DGKH: variants seen among roughly 807,000 people sequenced by gnomAD.
DGKH encodes DAG kinase eta.
A neutral mutation model predicts 159.3 loss-of-function variants in DGKH; 90 were observed. The observed-to-expected ratio is 0.57, with a 90% CI of 0.48 to 0.67. The LOEUF is 0.67. Among genes scored for constraint, DGKH ranks in the 30% least tolerant of loss-of-function variants. DGKH has a pLI of 0.00. For synonymous variants in DGKH, 536 were observed against 553.8 expected (o/e 0.97, Z 0.45); for missense variants, 1,181 against 1,506.1 (o/e 0.78, Z 3.57).
At chr13:42,149,875 A>G (rs1955832536) in intron 3 of DGKH, among the ~76,000 whole-genome samples, 1 of 152,228 alleles carries the variant, frequency 6.6e-6, no homozygotes, top group African/African-American at 2.4e-5. Flanking sequence ...TTATTTTTCA[A>G]ACACTTGTTT....
exon 31 of DGKH, chr13:42,256,461 T>C (rs145446747): frequency 1.5e-5 from 22 of 1,483,264 alleles, no homozygotes; most frequent in Non-Finnish European, 2.1e-5. Context: ...GAAACTGTTA[T>C]TGAACTTGGC....
At position 42,236,422 on chromosome 13, in the gene DGKH, T is replaced by A. The variant is rs1958413767; in HGVS notation, c.*7234T>A. 1 of 152,218 alleles carries A rather than the reference T, an allele frequency of 6.6e-6. No homozygotes were observed. Among genetic ancestry groups the A allele is most frequent in the South Asian group, 2.1e-4 (1 of 4,834 alleles). 9.4% of individuals were successfully genotyped at this position (152,218 alleles called of 1,614,324 possible). On this transcript the variant is annotated 3_prime_UTR_variant, in exon 30 of 30. Coordinates refer to ENST00000337343, the MANE Select transcript of DGKH (RefSeq NM_178009.5). ...TTGTTAAAAAAATAAGTTTCATGTT[T>A]AAAATAAATATTTTTTTAAAATATA...
rs184468328 is a variant in DGKH, at chr13:42,148,922, C to T, written c.385-6369C>T. ...CAGGAAACCTTACTTGGCCTTCCCACCCACAACCCCGCCCGCCCCTTCTTT... is the reference window on the plus strand; with the variant it reads ...CAGGAAACCTTACTTGGCCTTCCCATCCACAACCCCGCCCGCCCCTTCTTT... On this transcript the variant is annotated intron_variant, in intron 3 of 29. Transcript: ENST00000337343. 1.8e-3 allele frequency among the ~76,000 whole-genome samples: 269 copies of T among 147,588 alleles called. 2 individuals are homozygous for T. Among genetic ancestry groups the T allele is most frequent in the South Asian group, 6.0e-3 (27 of 4,528 alleles).
intron 20 of DGKH, among the ~76,000 whole-genome samples, chr13:42,204,463 T>C (rs927278121): frequency 2.0e-5 from 3 of 152,148 alleles, no homozygotes; most frequent in African/African-American, 7.2e-5. Context: ...TGAAGGTAAA[T>C]CAACCAATCC....
chr13:42,201,442 A>G (rs183913447), intron 20 of DGKH, among the ~76,000 whole-genome samples: 8 of 152,304 alleles, frequency 5.3e-5, no homozygotes, highest in African/African-American at 1.9e-4. Context: ...ATAGCCAGCT[A>G]TCTTTAAGGG....
At chr13:42,040,319 T>TAGCCC (rs778587439) in intron 1 of DGKH, among the ~76,000 whole-genome samples, 4 of 152,228 alleles carry the variant, frequency 2.6e-5, no homozygotes, top group South Asian at 4.1e-4. Flanking sequence ...GTGGCCAGCC[T>TAGCCC]AGCCCAGCCC....
chr13:42,108,091 G>T (rs1274765260), intron 1 of DGKH, among the ~76,000 whole-genome samples: 1 of 152,128 alleles, frequency 6.6e-6, no homozygotes, highest in African/African-American at 2.4e-5. Flanking sequence ...ATCAAATGAA[G>T]AGTTAGTGTT....
intron 1 of DGKH, among the ~76,000 whole-genome samples, chr13:42,068,000 A>G (rs1432784812): frequency 6.6e-6 from 1 of 152,068 alleles, no homozygotes; most frequent in Admixed American, 6.5e-5. Context: ...AATAAACACA[A>G]TTAAGACTTC....
In DGKH at chr13:42,240,555, A is replaced by C. The variant is rs939601013; in HGVS notation, c.*11367A>C. 3.3e-5 allele frequency: 5 copies of C among 152,216 alleles called. No homozygotes were observed. Among genetic ancestry groups the C allele is most frequent in the African/African-American group, 1.2e-4 (5 of 41,460 alleles). 9.4% of individuals were successfully genotyped at this position (152,216 alleles called of 1,614,324 possible). On this transcript the variant is annotated 3_prime_UTR_variant, in exon 30 of 30. Coordinates refer to ENST00000337343, the MANE Select transcript of DGKH (RefSeq NM_178009.5). ...ATAATGAGACTTCAGAAAGAATCAA[A>C]AGCAATAGTGATGGTGGAATTTTTA...
intron 1 of DGKH, chr13:42,069,732 TA>T: frequency 2.7e-6 from 3 of 1,111,182 alleles, no homozygotes; most frequent in Non-Finnish European, 3.9e-6. Flanking sequence ...CTAAGTTATC[TA>T]AATATGATCA....
chr13:42,085,185 A>G, intron 1 of DGKH, among the ~76,000 whole-genome samples: 1 of 152,164 alleles, frequency 6.6e-6, no homozygotes, highest in East Asian at 1.9e-4. Context: ...ATACTGACCA[A>G]TGCAGTCTTT....
intron 1 of DGKH, among the ~76,000 whole-genome samples, chr13:42,079,615 TC>T (rs1954163271): frequency 6.6e-6 from 1 of 152,304 alleles, no homozygotes; most frequent in East Asian, 1.9e-4. Context: ...TTAGGTGTGC[TC>T]CCTTGACCTA....
At position 42,233,960 on chromosome 13, in the gene DGKH, A is replaced by AAATCATCT; in HGVS notation, c.*4772_*4773insAATCATCT. 1 of 152,378 alleles carries AAATCATCT rather than the reference A, an allele frequency of 6.6e-6. No individual in the cohort carries two copies. The highest frequency in any genetic ancestry group is 2.4e-5 in the African/African-American group (1 of 41,596). The allele number at this position is 152,378 out of a possible 1,614,324, so 9.4% of individuals were successfully genotyped here. ...TTAGTCATGCAAAAAAAGAAAAGGA[A>AAATCATCT]TGAACCAAGATGATTGCAAGTTAAT... is the stretch of plus-strand genomic sequence containing the variant. On this transcript the variant is annotated 3_prime_UTR_variant, in exon 30 of 30. Transcript: ENST00000337343.
At chr13:42,205,532 A>G (rs1957443941) in intron 20 of DGKH, among the ~76,000 whole-genome samples, 1 of 152,172 alleles carries the variant, frequency 6.6e-6, no homozygotes, top group South Asian at 2.1e-4. Context: ...TCTGAGATGC[A>G]TATATTTTTG....
chr13:42,163,547 T>C (rs1045143262), intron 7 of DGKH, among the ~76,000 whole-genome samples: 5 of 152,164 alleles, frequency 3.3e-5, no homozygotes, highest in East Asian at 1.9e-4. Flanking sequence ...TTTTAATGAT[T>C]GCCATTCTAA....
At chr13:42,078,510 G>C (rs1331776641) in intron 1 of DGKH, among the ~76,000 whole-genome samples, 2 of 152,120 alleles carry the variant, frequency 1.3e-5, no homozygotes, top group African/African-American at 4.8e-5. Flanking sequence ...TTCAAATCTA[G>C]TGCATCTGAT....
At position 42,239,368 on chromosome 13, in the gene DGKH, G is replaced by T. The variant is rs1204241070; in HGVS notation, c.*10180G>T. On this transcript the variant is annotated 3_prime_UTR_variant, in exon 30 of 30. Transcript: ENST00000337343. ...TTTCATAGCAACAGTATGCAAATTA[G>T]GTTTTTCTGCCAAGAAACTCATAAA... The T allele has an allele frequency of 2.6e-5, 4 of 152,522 alleles. No individual in the cohort carries two copies. The highest frequency in any genetic ancestry group is 9.7e-5 in the African/African-American group (4 of 41,436). 9.4% of individuals were successfully genotyped at this position (152,522 alleles called of 1,614,324 possible).
chr13:42,216,672 A>T (rs347406), intron 26 of DGKH: 1 of 152,212 alleles, frequency 6.6e-6, no homozygotes, highest in African/African-American at 2.4e-5. Context: ...GAAAGCCATC[A>T]CTCTTACCTA....
Position 42,209,042 on chromosome 13 carries a change from C to T in DGKH, c.2685C>T (p.Val895=). 1 of 1,611,156 alleles carries T rather than the reference C, an allele frequency of 6.2e-7. No individual in the cohort carries two copies. Among genetic ancestry groups the T allele is most frequent in the Non-Finnish European group, 8.5e-7 (1 of 1,178,706 alleles). The part of the protein sequence containing the change: ...FDSMQMAVSR[V]IKLQHHRIAQ... Reference sequence around the variant, plus strand: ...GCATGCAAATGGCAGTTTCAAGGGTCATTAAACTGCAGCATCATCGAATAG... The same window carrying T: ...GCATGCAAATGGCAGTTTCAAGGGTTATTAAACTGCAGCATCATCGAATAG... Residue 895 remains valine (V), a synonymous_variant, in exon 22 of 30, where the codon GTC becomes GTT. Coordinates refer to ENST00000337343, the MANE Select transcript of DGKH (RefSeq NM_178009.5).
Sources: gnomAD v4.1 joint callset for allele counts (sites outside exome capture counted in the v4.1 genomes callset) on GRCh38, gnomAD v4.1.1 for gene constraint, MANE v1.5 for transcripts, NCBI Gene and HGNC (gene_info 2026-07-23, HGNC 2026-07-21) for gene names.